Variants in PARP6 observed in about 807,000 individuals in gnomAD.
PARP6 encodes protein mono-ADP-ribosyltransferase PARP6.
Under a neutral mutation model 92.0 loss-of-function variants are expected in PARP6, and 27 were observed. That is an observed-to-expected ratio of 0.29 (90% CI 0.22 to 0.40). The LOEUF (loss-of-function observed/expected upper bound fraction) is 0.40. PARP6 is among the 10% of genes least tolerant of loss of function. The pLI is 1.00. For missense variants in PARP6, 501 were observed against 784.5 expected (o/e 0.64, Z 4.32); for synonymous variants, 272 against 281.2 (o/e 0.97, Z 0.33).
At chr15:72,260,222 G>T (rs112596845) in intron 10 of PARP6, among the ~76,000 whole-genome samples, 16 of 152,290 alleles carry the variant, frequency 1.1e-4, no homozygotes, top group Non-Finnish European at 7.4e-5. Context: ...GACAGGCTGA[G>T]GTAGGAGGAT....
intron 9 of PARP6, 116 bp downstream of exon 9, chr15:72,261,442 G>C: frequency 1.1e-6 from 1 of 924,456 alleles, no homozygotes; most frequent in Non-Finnish European, 1.7e-6. Context: ...GGTGTCAGTA[G>C]TTAAAGAGAC....
chr15:72,265,402 G>A lies in PARP6; in HGVS notation c.237+11C>T. Reference sequence around the variant, plus strand: ...CTAGACATGTTGTTGGCAGGTACTAGCCCCACTTACATCGAGGAAGCTGAT... The same window carrying A: ...CTAGACATGTTGTTGGCAGGTACTAACCCCACTTACATCGAGGAAGCTGAT... On this transcript the variant is annotated intron_variant, in intron 6 of 23. Transcript: ENST00000569795. 1 of 1,609,680 alleles carries A rather than the reference G, an allele frequency of 6.2e-7. No homozygotes were observed. The highest frequency in any genetic ancestry group is 2.2e-5 in the East Asian group (1 of 44,864).
Position 72,249,282 on chromosome 15 carries a change from G to A in PARP6, c.1524C>T (p.Tyr508=). 4 of 1,603,914 alleles carry A rather than the reference G, an allele frequency of 2.5e-6. No homozygotes were observed. The highest frequency in any genetic ancestry group is 3.4e-6 in the Non-Finnish European group (4 of 1,172,172). Residue 508 remains tyrosine (Y), a synonymous_variant, in exon 20 of 24, where the codon TAC becomes TAT. Coordinates refer to ENST00000569795, the MANE Select transcript of PARP6 (RefSeq NM_001323532.2). ...LHGAAYGKGI[Y]LSPISSISFG... ...AGGAAATACTGGAGATGGGGCTCAGGTAGATGCCTTTGCCATAGGCTGCTC... is the reference window on the plus strand; with the variant it reads ...AGGAAATACTGGAGATGGGGCTCAGATAGATGCCTTTGCCATAGGCTGCTC...
At chr15:72,259,726 C>T in intron 10 of PARP6, 65 bp from the exon 11 acceptor site, 1 of 1,389,838 alleles carries the variant, frequency 7.2e-7, no homozygotes, top group Admixed American at 1.7e-5. Flanking sequence ...ACAGACCTGA[C>T]TCTTGCCTAT....
Position 72,271,130 on chromosome 15 carries a change from G to C in PARP6, c.-302C>G, listed in dbSNP as rs932064134. On this transcript the variant is annotated 5_prime_UTR_variant, in exon 2 of 24. Coordinates refer to ENST00000569795, the MANE Select transcript of PARP6 (RefSeq NM_001323532.2). ...CTGGATGATCACAGAGGAATAAAGA[G>C]GGAGGCACTAAATGTCCAGCCTGGG... 3 of 152,184 alleles carry C rather than the reference G, an allele frequency of 2.0e-5. No individual in the cohort carries two copies. The highest frequency in any genetic ancestry group is 7.2e-5 in the African/African-American group (3 of 41,452). 9.4% of individuals were successfully genotyped at this position (152,184 alleles called of 1,614,324 possible).
chr15:72,261,907 G>C (rs548743479), intron 8 of PARP6, among the ~76,000 whole-genome samples, 200 bp from the exon 9 acceptor site: 7 of 152,210 alleles, frequency 4.6e-5, no homozygotes, highest in Non-Finnish European at 7.4e-5. Flanking sequence ...CACCCTAGAG[G>C]GCACCTAGCC....
chr15:72,259,051 G>GT (rs1196919377), intron 11 of PARP6, among the ~76,000 whole-genome samples: 3 of 152,154 alleles, frequency 2.0e-5, no homozygotes, highest in Non-Finnish European at 2.9e-5. Context: ...AAAACAAATC[G>GT]TAACAGTTCA....
rs771202767 is a variant in PARP6, at chr15:72,253,428, T to TATCC, written c.1259+5_1259+8dup. ...ATAACCCAAGAAGGATGAGCCATTC[T>TATCC]ATCCATACCACTGCAGGAGAGGATG... On this transcript the variant is annotated intron_variant, in intron 16 of 23. Coordinates refer to ENST00000569795, the MANE Select transcript of PARP6 (RefSeq NM_001323532.2). 7 of 1,608,606 alleles carry TATCC rather than the reference T, an allele frequency of 4.4e-6. No individual in the cohort carries two copies. The East Asian group carries it at 1.3e-4, about 31-fold the overall frequency.
At chr15:72,261,072 G>A (rs1465846677) in intron 9 of PARP6, among the ~76,000 whole-genome samples, 2 of 152,188 alleles carry the variant, frequency 1.3e-5, no homozygotes, top group African/African-American at 4.8e-5. Context: ...CATCCCAAAG[G>A]GCGTAATATT....
intron 11 of PARP6, among the ~76,000 whole-genome samples, 165 bp downstream of exon 11, chr15:72,259,443 T>A (rs911324085): frequency 2.6e-5 from 4 of 152,250 alleles, no homozygotes; most frequent in African/African-American, 9.6e-5. Flanking sequence ...CTAGTAATGC[T>A]GTCAGTTTCT....
At chr15:72,253,638 G>A in intron 15 of PARP6, 134 bp from the exon 16 acceptor site, 1 of 732,254 alleles carries the variant, frequency 1.4e-6, no homozygotes, top group Non-Finnish European at 2.4e-6. Flanking sequence ...AAGGAGATAG[G>A]GTTCCCACCC....
At chr15:72,252,878 G>A (rs1374496485) in intron 16 of PARP6, among the ~76,000 whole-genome samples, 1 of 152,166 alleles carries the variant, frequency 6.6e-6, no homozygotes, top group Non-Finnish European at 1.5e-5. Context: ...AACACCTAAA[G>A]AGAACTTGAA....
At chr15:72,246,303 C>T (rs1263740822) in intron 20 of PARP6, among the ~76,000 whole-genome samples, 1 of 152,128 alleles carries the variant, frequency 6.6e-6, no homozygotes, top group Non-Finnish European at 1.5e-5. Context: ...ATGTTTGCCA[C>T]CATGTCCAGC....
Position 72,241,873 on chromosome 15 carries a change from T to TAATC in PARP6, c.1790+24_1790+27dup. 1 of 1,533,232 alleles carries TAATC rather than the reference T, an allele frequency of 6.5e-7. No individual in the cohort carries two copies. Among genetic ancestry groups the TAATC allele is most frequent in the South Asian group, 1.1e-5 (1 of 89,458 alleles). The allele number at this position is 1,533,232 out of a possible 1,614,324, so 95.0% of individuals were successfully genotyped here. On this transcript the variant is annotated intron_variant, in intron 23 of 23. Transcript: ENST00000569795. This position sits in a 1 kb window ranked among gnomAD's most constrained non-coding sequence, Gnocchi z 4.1. ...CACACCCCCAACCTCACTCCTCGAG[T>TAATC]AATCCCCAGAGTCCCTCCGACACTT...
chr15:72,269,224 G>A (rs1004949151), intron 2 of PARP6, among the ~76,000 whole-genome samples: 3 of 152,040 alleles, frequency 2.0e-5, no homozygotes, highest in Non-Finnish European at 4.4e-5. Flanking sequence ...GCAATGGTGC[G>A]ATCTCGGCTC....
At position 72,242,753 on chromosome 15, in the gene PARP6, A is replaced by G. The variant is rs371130824; in HGVS notation, c.1562-54T>C. On this transcript the variant is annotated intron_variant, in intron 20 of 23. Transcript: ENST00000569795. This position sits in a 1 kb window ranked among gnomAD's most constrained non-coding sequence, Gnocchi z 4.3. ...TTATCAAAAATTTACGAAAGTGCCTACTATGTCCCAGCACTGAGCTAGATG... is the reference window on the plus strand; with the variant it reads ...TTATCAAAAATTTACGAAAGTGCCTGCTATGTCCCAGCACTGAGCTAGATG... 3.6e-6 allele frequency: 4 copies of G among 1,106,066 alleles called. No homozygotes were observed. The African/African-American group carries it at 6.2e-5, about 17-fold the overall frequency. The allele number at this position is 1,106,066 out of a possible 1,614,324, so 68.5% of individuals were successfully genotyped here. A position where few individuals can be genotyped will look rare whatever the true frequency, so the allele number is the denominator to read the frequency against.
intron 19 of PARP6, 117 bp downstream of exon 19, chr15:72,249,903 A>G (rs140906238): frequency 2.9e-6 from 2 of 692,378 alleles, no homozygotes; most frequent in African/African-American, 3.5e-5. Context: ...GAACTCCACA[A>G]GACAGGTTAG....
intron 15 of PARP6, among the ~76,000 whole-genome samples, chr15:72,254,238 G>T (rs1300863937): frequency 3.3e-5 from 5 of 151,884 alleles, no homozygotes; most frequent in Non-Finnish European, 1.5e-5. Context: ...TAACAGCAAA[G>T]GTAAAGATTG....
chr15:72,254,797 G>A (rs541243028), intron 14 of PARP6, among the ~76,000 whole-genome samples: 100 of 152,192 alleles, frequency 6.6e-4, no homozygotes, highest in Admixed American at 1.2e-3. Flanking sequence ...GATGTTCTGA[G>A]GATTAAATAT....
Sources: allele counts gnomAD v4.1 joint callset (sites outside exome capture counted in the v4.1 genomes callset), GRCh38; gene constraint gnomAD v4.1.1; non-coding constraint Gnocchi (gnomAD v3.1); transcripts MANE v1.5; gene names NCBI Gene and HGNC (gene_info 2026-07-23, HGNC 2026-07-21).